The following DAO variants were observed in gnomAD, a reference collection of about 807,000 sequenced individuals.
The protein encoded by DAO is D-amino-acid oxidase.
In DAO, 51 loss-of-function variants were observed where a neutral mutation model predicts 50.1. The observed-to-expected ratio is 1.02, with a 90% confidence interval of 0.81 to 1.29. The LOEUF is 1.29. DAO is among the 50% of genes most tolerant of loss of function. The pLI is 0.00. For synonymous variants in DAO, 160 were observed against 166.2 expected (o/e 0.96, Z 0.29); for missense variants, 436 against 439.4 (o/e 0.99, Z 0.07).
chr12:108,899,484 C>A lies in DAO; in HGVS notation c.912+9C>A. 4 of 1,610,622 alleles carry A rather than the reference C, an allele frequency of 2.5e-6. No individual in the cohort carries two copies. Among genetic ancestry groups the A allele is most frequent in the Non-Finnish European group, 3.4e-6 (4 of 1,177,860 alleles). ...GACCTTCAAACACAGAGGTATGCTC[C>A]CATGGCAAGGAAAGTAATGCCCTCT... On this transcript the variant is annotated intron_variant, in intron 10 of 10. Coordinates refer to ENST00000228476, the MANE Select transcript of DAO (RefSeq NM_001917.5).
chr12:108,890,307 C>T, intron 5 of DAO, 34 bp downstream of exon 5: 1 of 1,537,836 alleles, frequency 6.5e-7, no homozygotes. Context: ...AGGGAGGTAC[C>T]TCCCAGAGAC....
chr12:108,890,419 T>C (rs1382202137), intron 5 of DAO, 146 bp downstream of exon 5: 44 of 691,414 alleles, frequency 6.4e-5, no homozygotes, highest in East Asian at 5.9e-4. Context: ...TCCTTGGTCC[T>C]GATCACCGCT....
At chr12:108,891,204 A>T (rs7302245) in intron 5 of DAO, among the ~76,000 whole-genome samples, 60,279 of 151,804 alleles carry the variant, frequency 0.4, 14,681 homozygotes, top group African/African-American at 0.65. Context: ...ATCCTAGCAC[A>T]TTGAGAGGCC....
chr12:108,893,003 G>A lies in DAO; in HGVS notation c.474G>A (p.Lys158=), dbSNP rs952757280. The A allele has an allele frequency of 6.2e-7, 1 of 1,614,106 alleles. No homozygotes were observed. The highest frequency in any genetic ancestry group is 1.3e-5 in the African/African-American group (1 of 75,052). Reference sequence around the variant, plus strand: ...CCAGGTTAACTGAGAGGGGAGTGAAGTTCTTCCAGCGGAAAGTGGAGTCTT... The same window carrying A: ...CCAGGTTAACTGAGAGGGGAGTGAAATTCTTCCAGCGGAAAGTGGAGTCTT... ...LTERLTERGV[K]FFQRKVESFE... is the part of the protein sequence containing the mutation. The change falls in exon 6 of 11, where the codon AAG becomes AAA. Residue 158 remains lysine (K), a synonymous_variant. Coordinates refer to ENST00000228476, the MANE Select transcript of DAO (RefSeq NM_001917.5).
Position 108,880,240 on chromosome 12 carries a change from A to T in DAO, c.-10+16A>T. 2.4e-6 allele frequency: 1 copy of T among 422,122 alleles called. No homozygotes were observed. Among genetic ancestry groups the T allele is most frequent in the Non-Finnish European group, 4.8e-6 (1 of 206,966 alleles). The allele number at this position is 422,122 out of a possible 1,614,324, so 26.1% of individuals were successfully genotyped here. A position where few individuals can be genotyped will look rare whatever the true frequency, so the allele number is the denominator to read the frequency against. On this transcript the variant is annotated intron_variant, in intron 1 of 10. Coordinates refer to ENST00000228476, the MANE Select transcript of DAO (RefSeq NM_001917.5). ...GGTACTTCCGGTGAGTGGCAGATGC[A>T]CCTTTGAGCTGGGGACAGGGGTTGG...
In DAO at chr12:108,893,009, C is replaced by T. The variant is rs1454670937; in HGVS notation, c.480C>T (p.Phe160=). The change falls in exon 6 of 11, where the codon TTC becomes TTT. Residue 160 remains phenylalanine (F), a synonymous_variant. Transcript: ENST00000228476. ...ERLTERGVKF[F]QRKVESFEEV... Reference sequence around the variant, plus strand: ...TAACTGAGAGGGGAGTGAAGTTCTTCCAGCGGAAAGTGGAGTCTTTTGAGG... The same window carrying T: ...TAACTGAGAGGGGAGTGAAGTTCTTTCAGCGGAAAGTGGAGTCTTTTGAGG... 1 of 1,613,998 alleles carries T rather than the reference C, an allele frequency of 6.2e-7. No homozygotes were observed. The highest frequency in any genetic ancestry group is 1.7e-5 in the Admixed American group (1 of 60,002).
chr12:108,899,420 G>GC lies in DAO; in HGVS notation c.862dup (p.Gln288ProfsTer101). 1 of 1,613,792 alleles carries GC rather than the reference G, an allele frequency of 6.2e-7. No homozygotes were observed. On this transcript the variant is annotated frameshift_variant, in exon 10 of 11. Transcript: ENST00000228476. LOFTEE classifies it high-confidence loss of function. The stretch of plus-strand genomic sequence containing the variant: ...GAACGAACTGGCTTCCGGCCAGTAC[G>GC]CCCCCAGATTCGGCTAGAAAGAGAA...
At chr12:108,883,358 G>C (rs2039401559) in intron 1 of DAO, among the ~76,000 whole-genome samples, 1 of 152,222 alleles carries the variant, frequency 6.6e-6, no homozygotes, top group South Asian at 2.1e-4. Context: ...ATCTTGGCCA[G>C]ACTGGTCTTG....
intron 1 of DAO, chr12:108,880,474 G>A (rs116684902): frequency 2.5e-5 from 7 of 277,106 alleles, no homozygotes; most frequent in Non-Finnish European, 4.3e-5. Flanking sequence ...GCGTGAGTCT[G>A]AGTGTTAAAA....
rs1163104438 is a variant in DAO, at chr12:108,887,438, T to G, written c.195-12T>G. 6.2e-7 allele frequency: 1 copy of G among 1,605,402 alleles called. No individual in the cohort carries two copies. The stretch of plus-strand genomic sequence containing the variant: ...GGGCATTGGGTGATCGAACTCTTCA[T>G]GACCCTTCCAGGGACTGGAGCCAAC... On this transcript the variant is annotated splice_polypyrimidine_tract_variant and intron_variant, in intron 2 of 10. Coordinates refer to ENST00000228476, the MANE Select transcript of DAO (RefSeq NM_001917.5).
intron 5 of DAO, among the ~76,000 whole-genome samples, 190 bp from the exon 6 acceptor site, chr12:108,892,792 G>C (rs1265056232): frequency 6.6e-6 from 1 of 152,150 alleles, no homozygotes; most frequent in East Asian, 1.9e-4. Context: ...TTTCTCAAAG[G>C]AGATTTTGTG....
chr12:108,894,498 C>A, intron 7 of DAO, 131 bp downstream of exon 7: 1 of 785,470 alleles, frequency 1.3e-6, no homozygotes, highest in Non-Finnish European at 2.1e-6. Context: ...AGGGAATTGA[C>A]ATGTAAAAAA....
intron 1 of DAO, among the ~76,000 whole-genome samples, chr12:108,882,688 G>A (rs1273775715): frequency 6.6e-6 from 1 of 152,130 alleles, no homozygotes; most frequent in Non-Finnish European, 1.5e-5. Context: ...GTCAAGTTGA[G>A]CAACTTGCCC....
chr12:108,900,156 TG>T (rs2039605798), intron 10 of DAO: 1 of 469,534 alleles, frequency 2.1e-6, no homozygotes, highest in Non-Finnish European at 3.9e-6. Flanking sequence ...AAGGCAGGGC[TG>T]GGATGTGATT....
At chr12:108,890,577 A>C (rs2039480613) in intron 5 of DAO, among the ~76,000 whole-genome samples, 1 of 152,168 alleles carries the variant, frequency 6.6e-6, no homozygotes, top group Non-Finnish European at 1.5e-5. Flanking sequence ...TTCCAGATAC[A>C]TTTACATCAT....
rs1053500876 is a variant in DAO at position 108,880,135 on chromosome 12, G to C, written c.-99G>C. The C allele has an allele frequency of 4.4e-6, 2 of 456,668 alleles. No individual in the cohort carries two copies. Among genetic ancestry groups the C allele is most frequent in the Non-Finnish European group, 8.8e-6 (2 of 226,968 alleles). The allele number at this position is 456,668 out of a possible 1,614,324, so 28.3% of individuals were successfully genotyped here. On this transcript the variant is annotated 5_prime_UTR_variant, in exon 1 of 11. Transcript: ENST00000228476. ...GCGGACAGAGGGCTGGAAACAAGACGCTCCAGAATCAGGAGCTTCCCCTCA... is the reference window on the plus strand; with the variant it reads ...GCGGACAGAGGGCTGGAAACAAGACCCTCCAGAATCAGGAGCTTCCCCTCA...
rs755324043 is a variant in DAO, at chr12:108,898,784, G to A, written c.801G>A (p.Glu267=). The part of the protein sequence containing the change: ...NTIWEGCCRL[E]PTLKNARIIG... The stretch of plus-strand genomic sequence containing the variant: ...TTTGGGAAGGCTGCTGCAGACTGGA[G>A]CCCACACTGAAGGTAAGGTAGGGAG... The change falls in exon 9 of 11, where the codon GAG becomes GAA. Residue 267 remains glutamate, a synonymous_variant. Coordinates refer to ENST00000228476, the MANE Select transcript of DAO (RefSeq NM_001917.5). 1.9e-6 allele frequency: 3 copies of A among 1,612,914 alleles called. No individual in the cohort carries two copies. The highest frequency in any genetic ancestry group is 2.7e-5 in the African/African-American group (2 of 74,908).
At position 108,894,502 on chromosome 12, in the gene DAO, T is replaced by G. The variant is rs1801224345; in HGVS notation, c.612+135T>G. 4 of 738,222 alleles carry G rather than the reference T, an allele frequency of 5.4e-6. No individual in the cohort carries two copies. In the South Asian group the frequency reaches 6.8e-5, roughly 13 times the overall value. 45.7% of individuals were successfully genotyped at this position (738,222 alleles called of 1,614,324 possible). A position where few individuals can be genotyped will look rare whatever the true frequency, so the allele number is the denominator to read the frequency against. On this transcript the variant is annotated intron_variant, in intron 7 of 10. Transcript: ENST00000228476. The stretch of plus-strand genomic sequence containing the variant: ...CCCCGGACTGCAGGGAATTGACATG[T>G]AAAAAAAACAAACCTGTCCCACCCC...
intron 8 of DAO, among the ~76,000 whole-genome samples, chr12:108,897,533 G>C (rs971026887): frequency 6.6e-6 from 1 of 151,526 alleles, no homozygotes; most frequent in Non-Finnish European, 1.5e-5. Context: ...AATGTTTTTA[G>C]TGAGTTTGAG....
Sources: allele counts gnomAD v4.1 joint callset (sites outside exome capture counted in the v4.1 genomes callset), GRCh38; gene constraint gnomAD v4.1.1; transcripts MANE v1.5; gene names NCBI Gene and HGNC (gene_info 2026-07-23, HGNC 2026-07-21).